The following KCNN3 variants were observed in gnomAD, a reference collection of about 807,000 sequenced individuals.
KCNN3 encodes the protein small conductance calcium-activated potassium channel protein 3.
Under a neutral mutation model 62.9 loss-of-function variants are expected in KCNN3, and 16 were observed. The observed-to-expected ratio is 0.25, with a 90% CI of 0.17 to 0.39. The LOEUF is 0.39. Among genes scored for constraint, KCNN3 ranks in the 10% least tolerant of loss-of-function variants. The probability of loss-of-function intolerance (pLI) is 1.00; values close to 1 mark genes in which losing one functional copy is unlikely to be tolerated. For missense variants in KCNN3, 599 were observed against 949.4 expected, an observed-to-expected ratio of 0.63 and a Z score of 4.85; for synonymous variants, 370 against 389.2, an observed-to-expected ratio of 0.95 and a Z score of 0.58.
intron 5 of KCNN3, among the ~76,000 whole-genome samples, chr1:154,721,253 C>T (rs1194528926): frequency 6.6e-6 from 1 of 151,626 alleles, no homozygotes; most frequent in Non-Finnish European, 1.5e-5. Context: ...CCTCCCAAGC[C>T]AAGTGTGTCC....
At chr1:154,778,936 C>T (rs541389173) in intron 2 of KCNN3, among the ~76,000 whole-genome samples, 175 of 152,296 alleles carry the variant, frequency 1.1e-3, no homozygotes, top group Non-Finnish European at 2.1e-3. Context: ...TCCGTCTGAA[C>T]TTAGCCATGT....
At chr1:154,750,581 T>C (rs1296872016) in intron 3 of KCNN3, among the ~76,000 whole-genome samples, 1 of 152,074 alleles carries the variant, frequency 6.6e-6, no homozygotes, top group Non-Finnish European at 1.5e-5. Flanking sequence ...GCTGGGTCCA[T>C]GTGCATTAGG....
chr1:154,778,440 C>T (rs1158368546), intron 2 of KCNN3, among the ~76,000 whole-genome samples: 3 of 152,118 alleles, frequency 2.0e-5, no homozygotes, highest in Non-Finnish European at 2.9e-5. Context: ...TCTTGGGTTA[C>T]ATAGGGCTTC....
At chr1:154,748,271 G>A (rs1700983720) in intron 3 of KCNN3, among the ~76,000 whole-genome samples, 1 of 151,966 alleles carries the variant, frequency 6.6e-6, no homozygotes, top group Non-Finnish European at 1.5e-5. Flanking sequence ...CACCCGCCCG[G>A]GGCCCTCAGT....
intron 2 of KCNN3, among the ~76,000 whole-genome samples, chr1:154,804,297 G>A (rs1268488123): frequency 1.3e-5 from 2 of 152,242 alleles, no homozygotes; most frequent in African/African-American, 4.8e-5. Context: ...AGTCTAAGGG[G>A]CTTAACAGGG....
At chr1:154,836,925 G>A (rs186803595) in intron 1 of KCNN3, among the ~76,000 whole-genome samples, 3 of 152,170 alleles carry the variant, frequency 2.0e-5, no homozygotes, top group African/African-American at 7.2e-5. Context: ...TGAATGAAGG[G>A]ATGCTACCCT....
chr1:154,855,217 C>CT (rs1652472386), intron 1 of KCNN3, among the ~76,000 whole-genome samples: 3 of 107,342 alleles, frequency 2.8e-5, no homozygotes, highest in African/African-American at 6.5e-5. Context: ...GACTCTGTCT[C>CT]AAAATAAATA....
At chr1:154,829,725 C>T (rs1159952853) in intron 1 of KCNN3, among the ~76,000 whole-genome samples, 1 of 152,216 alleles carries the variant, frequency 6.6e-6, no homozygotes, top group Non-Finnish European at 1.5e-5. Flanking sequence ...CAGCCCCCAT[C>T]CCTGAACGGG....
chr1:154,777,441 A>C (rs533859457), intron 2 of KCNN3, among the ~76,000 whole-genome samples: 2 of 152,130 alleles, frequency 1.3e-5, no homozygotes, highest in Non-Finnish European at 2.9e-5. Flanking sequence ...AACCACCCAG[A>C]ATGGAAATTC....
intron 2 of KCNN3, among the ~76,000 whole-genome samples, chr1:154,773,942 ACAGTG>A (rs1282605094): frequency 1.3e-5 from 2 of 152,340 alleles, no homozygotes; most frequent in East Asian, 3.9e-4. Context: ...GTGCTCTCAG[ACAGTG>A]CAGTGAAGTG....
rs1699832845 is a variant in KCNN3, at chr1:154,700,627, C to T, written c.*7349G>A. ...ACCATCCTGGTTAACATGATGAAAC[C>T]CTGTCTCTACTAAAAATACAAAAAA... On this transcript the variant is annotated 3_prime_UTR_variant, in exon 8 of 8. Coordinates refer to ENST00000271915, the MANE Select transcript of KCNN3 (RefSeq NM_002249.6). The T allele has an allele frequency of 6.6e-6, 1 of 151,978 alleles. No homozygotes were observed. The highest frequency in any genetic ancestry group is 2.1e-4 in the South Asian group (1 of 4,818). The allele number at this position is 151,978 out of a possible 1,614,324, so 9.4% of individuals were successfully genotyped here.
At chr1:154,778,101 G>A (rs942874493) in intron 2 of KCNN3, among the ~76,000 whole-genome samples, 1 of 152,164 alleles carries the variant, frequency 6.6e-6, no homozygotes, top group Non-Finnish European at 1.5e-5. Flanking sequence ...TAGTTGCTCT[G>A]TCCAGAGGTG....
intron 4 of KCNN3, 77 bp from the exon 5 acceptor site, chr1:154,726,103 G>T: frequency 9.4e-7 from 1 of 1,066,534 alleles, no homozygotes; most frequent in Non-Finnish European, 1.4e-6. Context: ...CAACACGCCT[G>T]GCGGCCACGG....
chr1:154,712,806 G>A (rs1231436689), intron 7 of KCNN3, among the ~76,000 whole-genome samples: 2 of 152,196 alleles, frequency 1.3e-5, no homozygotes, highest in Non-Finnish European at 2.9e-5. Context: ...TTTGCAAGAG[G>A]AGTTTCCTTA....
intron 1 of KCNN3, among the ~76,000 whole-genome samples, chr1:154,866,361 G>A (rs751525511): frequency 2.0e-5 from 3 of 152,160 alleles, no homozygotes; most frequent in Non-Finnish European, 4.4e-5. Flanking sequence ...TGTTGAGCAG[G>A]CAGATACGTG....
intron 2 of KCNN3, among the ~76,000 whole-genome samples, chr1:154,818,640 C>T (rs1322625402): frequency 1.3e-5 from 2 of 152,192 alleles, no homozygotes; most frequent in East Asian, 1.9e-4. Context: ...GAGGATGCAG[C>T]AACGTAGCGC....
At chr1:154,769,934 T>C (rs1019075596) in intron 3 of KCNN3, among the ~76,000 whole-genome samples, 1 of 152,230 alleles carries the variant, frequency 6.6e-6, no homozygotes, top group African/African-American at 2.4e-5. Context: ...TACACCTTGT[T>C]TGACTCTAAC....
In KCNN3 at chr1:154,851,090, T is replaced by C. The variant is rs572669240; in HGVS notation, c.933+17942A>G. ...CCTTCCCGGGTTCAAGCGATTCTCC[T>C]GCCTCAGCCTCCCGAGTAGCTGGGA... is the stretch of plus-strand genomic sequence containing the variant. On this transcript the variant is annotated intron_variant, in intron 1 of 7. Coordinates refer to ENST00000271915, the MANE Select transcript of KCNN3 (RefSeq NM_002249.6). Among the ~76,000 whole-genome samples the C allele has an allele frequency of 1.2e-4, 18 of 152,330 alleles. No homozygotes were observed. The East Asian group carries it at 2.9e-3, about 25-fold the overall frequency.
intron 1 of KCNN3, among the ~76,000 whole-genome samples, chr1:154,864,986 G>A (rs574825397): frequency 1.5e-4 from 23 of 152,136 alleles, no homozygotes; most frequent in African/African-American, 4.6e-4. Context: ...CTGAGATCCC[G>A]AGAAACAAGG....
Sources: allele counts gnomAD v4.1 joint callset (sites outside exome capture counted in the v4.1 genomes callset), GRCh38; gene constraint gnomAD v4.1.1; transcripts MANE v1.5; gene names NCBI Gene and HGNC (gene_info 2026-07-23, HGNC 2026-07-21).